The following PLK3 variants were observed in gnomAD, a reference collection of about 807,000 sequenced individuals.
The protein encoded by PLK3 is polo like kinase 3, also known as serine/threonine-protein kinase PLK3.
Under a neutral mutation model 71.6 loss-of-function variants are expected in PLK3, and 41 were observed. The observed-to-expected ratio is 0.57, with a 90% CI of 0.45 to 0.74. The LOEUF is 0.74. Among genes scored for constraint, PLK3 ranks in the 30% least tolerant of loss-of-function variants. The probability of loss-of-function intolerance (pLI) is 0.00; values close to 1 mark genes in which losing one functional copy is unlikely to be tolerated. For missense variants in PLK3, 791 were observed against 875.6 expected, an observed-to-expected ratio of 0.90 and a Z score of 1.22; for synonymous variants, 366 against 355.4, an observed-to-expected ratio of 1.03 and a Z score of -0.33.
At chr1:44,805,028 C>T in intron 13 of PLK3, 1 of 580,120 alleles carries the variant, frequency 1.7e-6, no homozygotes, top group South Asian at 2.1e-5. Flanking sequence ...TGGGCGAACC[C>T]AGGAGGCGGA....
chr1:44,800,536 G>C lies in PLK3; in HGVS notation c.73G>C (p.Gly25Arg), dbSNP rs1241305978. 3.4e-6 allele frequency: 5 copies of C among 1,466,218 alleles called. No homozygotes were observed. The East Asian group carries it at 9.0e-5, about 26-fold the overall frequency. 90.8% of individuals were successfully genotyped at this position (1,466,218 alleles called of 1,614,324 possible). ...RAAAAPAPPA[G>R]PGPPPSALRG... ...GGCCGCCGCGCCCGCTCCCCCGGCCGGGCCCGGGCCGCCTCCGAGTGCCTT... is the reference window on the plus strand; with the variant it reads ...GGCCGCCGCGCCCGCTCCCCCGGCCCGGCCCGGGCCGCCTCCGAGTGCCTT... Residue 25 changes from glycine (G) to arginine (R), a missense_variant, in exon 1 of 15, where the codon GGG (glycine) becomes CGG (arginine). By Grantham distance (125) the Gly-to-Arg change is moderately radical. Transcript: ENST00000372201. The surrounding 1 kb of genome is among the most constrained non-coding windows in gnomAD (Gnocchi z 6.5).
At chr1:44,801,519 C>A in intron 3 of PLK3, 103 bp from the exon 4 acceptor site, 1 of 1,319,248 alleles carries the variant, frequency 7.6e-7, no homozygotes, top group Admixed American at 2.0e-5. Context: ...AGAAGACAGT[C>A]TTAAGACCCA....
Position 44,805,335 on chromosome 1 carries a change from A to T in PLK3, c.1705A>T (p.Thr569Ser). Residue 569 changes from threonine (T) to serine (S), a missense_variant, in exon 14 of 15, where the codon ACG becomes TCG. Transcript: ENST00000372201. ...GCCCTTGCTGCTGCAGTGGGTCAAG[A>T]CGGATCAGGCTCTCCTCATGCTGTT... is the stretch of plus-strand genomic sequence containing the variant. ...APPLLLQWVK[T>S]DQALLMLFSD... The T allele has an allele frequency of 6.2e-7, 1 of 1,614,056 alleles. No homozygotes were observed. Among genetic ancestry groups the T allele is most frequent in the Non-Finnish European group, 8.5e-7 (1 of 1,179,954 alleles).
chr1:44,801,787 G>C, intron 4 of PLK3, 36 bp downstream of exon 4: 4 of 1,403,424 alleles, frequency 2.9e-6, no homozygotes, highest in Non-Finnish European at 4.0e-6. Context: ...GGAGGTTGGG[G>C]AGGGAGGGAG....
At position 44,803,636 on chromosome 1, in the gene PLK3, G is replaced by A; in HGVS notation, c.1109G>A (p.Gly370Asp). 6.2e-7 allele frequency: 1 copy of A among 1,614,088 alleles called. No homozygotes were observed. Among genetic ancestry groups the A allele is most frequent in the South Asian group, 1.1e-5 (1 of 91,078 alleles). Residue 370 changes from glycine to aspartate, a missense_variant, in exon 9 of 15, where the codon GGT becomes GAT. Gly to Asp is a moderately conservative substitution (Grantham distance 94). Coordinates refer to ENST00000372201, the MANE Select transcript of PLK3 (RefSeq NM_004073.4). The surrounding 1 kb of genome is among the most constrained non-coding windows in gnomAD (Gnocchi z 4.3). The part of the protein sequence containing the change: ...NHAQERDEVS[G>D]LVSGLMRTSV... ...GCCCAGGAGAGGGATGAGGTCTCCG[G>A]TTTGGTGAGCGGCCTCATGCGCACA...
At chr1:44,805,231 G>A (rs1214708462) in intron 13 of PLK3, 35 bp from the exon 14 acceptor site, 2 of 1,429,798 alleles carry the variant, frequency 1.4e-6, no homozygotes, top group Non-Finnish European at 2.0e-6. Context: ...GCTGTCTCAC[G>A]CTGGATCAGT....
chr1:44,805,428 C>T (rs1651993886), intron 14 of PLK3, 49 bp downstream of exon 14: 6 of 1,607,004 alleles, frequency 3.7e-6, no homozygotes, highest in Admixed American at 3.3e-5. Context: ...GCCCAGGGTG[C>T]TGGGGAGGAA....
chr1:44,804,276 T>C, intron 11 of PLK3, 30 bp downstream of exon 11: 2 of 1,612,924 alleles, frequency 1.2e-6, no homozygotes, highest in Non-Finnish European at 1.7e-6. Context: ...CATGCTGCTG[T>C]GGTGGGAGTT....
chr1:44,805,891 C>A lies in PLK3; in HGVS notation c.*213C>A. 1 of 1,440,142 alleles carries A rather than the reference C, an allele frequency of 6.9e-7. No homozygotes were observed. The highest frequency in any genetic ancestry group is 1.4e-5 in the African/African-American group (1 of 69,588). The allele number at this position is 1,440,142 out of a possible 1,614,324, so 89.2% of individuals were successfully genotyped here. ...TGAGCCTTAGCTCCCAGCTAGGGGG[C>A]GTTATTTATGGACCACTTTTATTTA... On this transcript the variant is annotated 3_prime_UTR_variant, in exon 15 of 15. Coordinates refer to ENST00000372201, the MANE Select transcript of PLK3 (RefSeq NM_004073.4).
At chr1:44,804,811 C>T (rs760857456) in intron 13 of PLK3, 32 bp downstream of exon 13, 140 of 1,608,000 alleles carry the variant, frequency 8.7e-5, no homozygotes, top group Non-Finnish European at 1.1e-5. Context: ...TACATTGAAA[C>T]CTAACCCATC....
chr1:44,801,852 T>C lies in PLK3; in HGVS notation c.573T>C (p.Phe191=), dbSNP rs1183652624. 2 of 1,613,566 alleles carry C rather than the reference T, an allele frequency of 1.2e-6. No individual in the cohort carries two copies. The highest frequency in any genetic ancestry group is 1.1e-5 in the South Asian group (1 of 91,024). The part of the protein sequence containing the change: ...ILHRDLKLGN[F]FITENMELKV... ...CTCTCTTGCCCCATCTAGGAAATTT[T>C]TTCATCACTGAGAACATGGAACTGA... The change falls in exon 5 of 15, where the codon TTT becomes TTC. Residue 191 remains phenylalanine, a synonymous_variant. Transcript: ENST00000372201.
In PLK3 at chr1:44,805,788, A is replaced by T; in HGVS notation, c.*110A>T. 7.6e-7 allele frequency: 1 copy of T among 1,322,946 alleles called. No homozygotes were observed. 82.0% of individuals were successfully genotyped at this position (1,322,946 alleles called of 1,614,324 possible). ...CTGGGGGCTTTGGGCCGAATCCCCC[A>T]GGGAATCAGGGACCAGCTTTACTGG... On this transcript the variant is annotated 3_prime_UTR_variant, in exon 15 of 15. Coordinates refer to ENST00000372201, the MANE Select transcript of PLK3 (RefSeq NM_004073.4).
chr1:44,804,715 C>A lies in PLK3; in HGVS notation c.1571C>A (p.Ala524Asp). 1 of 1,613,902 alleles carries A rather than the reference C, an allele frequency of 6.2e-7. No individual in the cohort carries two copies. Among genetic ancestry groups the A allele is most frequent in the Non-Finnish European group, 8.5e-7 (1 of 1,179,770 alleles). The change falls in exon 13 of 15, where the codon GCC becomes GAC. Residue 524 changes from alanine (A) to aspartate (D), a missense_variant. Transcript: ENST00000372201. ...TTCTCCGTGGGTGCTGTGCCCCGGG[C>A]CCTGCAGCCTCAGCTGGGTATCCTG... Reference protein sequence around the residue: ...FSFSVGAVPRALQPQLGILRY... With the variant: ...FSFSVGAVPRDLQPQLGILRY...
Position 44,805,370 on chromosome 1 carries a change from C to T in PLK3, c.1740C>T (p.Gly580=). 1 of 1,613,046 alleles carries T rather than the reference C, an allele frequency of 6.2e-7. No homozygotes were observed. ...DQALLMLFSD[G]TVQVNFYGDH... ...CTCTCCTCATGCTGTTTAGTGATGG[C>T]ACTGTCCAGGTAAGAGCCTATCCAG... Residue 580 remains glycine (G), a synonymous_variant, in exon 14 of 15, where the codon GGC becomes GGT. Transcript: ENST00000372201.
intron 12 of PLK3, 28 bp from the exon 13 acceptor site, chr1:44,804,622 C>T (rs1264100852): frequency 2.5e-6 from 4 of 1,610,094 alleles, no homozygotes; most frequent in Non-Finnish European, 3.4e-6. Context: ...GTGCAGGGCT[C>T]CCTCTGACCT....
intron 5 of PLK3, among the ~76,000 whole-genome samples, chr1:44,802,390 G>T (rs539902946): frequency 7.2e-5 from 11 of 152,260 alleles, no homozygotes; most frequent in African/African-American, 2.2e-4. Flanking sequence ...GTTTATGGGG[G>T]TTGTGACAGC....
Position 44,800,595 on chromosome 1 carries a change from A to C in PLK3, c.132A>C (p.Leu44=). Residue 44 remains leucine (L), a synonymous_variant, in exon 1 of 15, where the codon CTA becomes CTC. Transcript: ENST00000372201. The surrounding 1 kb of genome is among the most constrained non-coding windows in gnomAD (Gnocchi z 6.5). ...RGPELEMLAG[L]PTSDPGRLIT... is the part of the protein sequence containing the mutation. ...CTGAGCTGGAGATGCTGGCCGGGCT[A>C]CCGACGTCAGACCCCGGGCGCCTCA... 9 of 1,537,948 alleles carry C rather than the reference A, an allele frequency of 5.9e-6. No individual in the cohort carries two copies. The highest frequency in any genetic ancestry group is 7.9e-6 in the Non-Finnish European group (9 of 1,145,728).
intron 10 of PLK3, 31 bp downstream of exon 10, chr1:44,804,055 G>T: frequency 6.5e-7 from 1 of 1,542,196 alleles, no homozygotes; most frequent in Non-Finnish European, 8.9e-7. Flanking sequence ...AGAGGTGATA[G>T]AGGTTGCTGG....
chr1:44,805,356 C>T lies in PLK3; in HGVS notation c.1726C>T (p.Leu576=), dbSNP rs758821425. 20 of 1,613,846 alleles carry T rather than the reference C, an allele frequency of 1.2e-5. No individual in the cohort carries two copies. Among genetic ancestry groups the T allele is most frequent in the Non-Finnish European group, 1.6e-5 (19 of 1,179,758 alleles). The change falls in exon 14 of 15, where the codon CTG becomes TTG. Residue 576 remains leucine (L), a synonymous_variant. Transcript: ENST00000372201. ...CAAGACGGATCAGGCTCTCCTCATG[C>T]TGTTTAGTGATGGCACTGTCCAGGT... ...WVKTDQALLM[L]FSDGTVQVNF... is the part of the protein sequence containing the mutation.
Sources: allele counts gnomAD v4.1 joint callset (sites outside exome capture counted in the v4.1 genomes callset), GRCh38; gene constraint gnomAD v4.1.1; non-coding constraint Gnocchi (gnomAD v3.1); transcripts MANE v1.5; gene names NCBI Gene and HGNC (gene_info 2026-07-23, HGNC 2026-07-21).